OR10J1: variants seen among roughly 807,000 people sequenced by gnomAD.
OR10J1 encodes olfactory receptor 10J1.
For synonymous variants in OR10J1, 202 were observed against 143.8 expected, an observed-to-expected ratio of 1.40 and a Z score of -2.89; for missense variants, 474 against 376.6, an observed-to-expected ratio of 1.26 and a Z score of -2.14.
the OR10J1 span, among the ~76,000 whole-genome samples, chr1:159,416,173 GT>G: frequency 2.6e-5 from 4 of 151,740 alleles, no homozygotes; most frequent in African/African-American, 9.7e-5. Context: ...GAGTATCTTA[GT>G]TTTCTCTTGT....
the OR10J1 span, among the ~76,000 whole-genome samples, chr1:159,415,334 T>C: frequency 2.0e-5 from 3 of 152,052 alleles, no homozygotes; most frequent in African/African-American, 4.8e-5. Flanking sequence ...GGTATCCTTT[T>C]CCCAATGCAT....
chr1:159,430,072 C>T, the OR10J1 span, among the ~76,000 whole-genome samples: 1 of 152,030 alleles, frequency 6.6e-6, no homozygotes, highest in Admixed American at 6.6e-5. Context: ...CATCTCATAA[C>T]CTCATGACCC....
the OR10J1 span, among the ~76,000 whole-genome samples, chr1:159,409,892 G>A: frequency 6.6e-6 from 1 of 152,066 alleles, no homozygotes; most frequent in Non-Finnish European, 1.5e-5. Flanking sequence ...AATTTATTGA[G>A]AGTTTTTAGC....
At chr1:159,427,292 T>G in the OR10J1 span, among the ~76,000 whole-genome samples, 35 of 151,506 alleles carry the variant, frequency 2.3e-4, no homozygotes, top group Non-Finnish European at 4.3e-4. Flanking sequence ...CTAGAGAAGG[T>G]AAAAACAAAT....
At chr1:159,433,430 G>GT (rs150675666), upstream of OR10J1, among the ~76,000 whole-genome samples, 324 of 152,242 alleles carry the variant, frequency 2.1e-3, 3 homozygotes, top group Admixed American at 0.016. Context: ...TGTTACTCTT[G>GT]TCATAAGGTA....
At chr1:159,428,118 GA>G in the OR10J1 span, among the ~76,000 whole-genome samples, 2 of 151,674 alleles carry the variant, frequency 1.3e-5, no homozygotes, top group African/African-American at 4.8e-5. Context: ...TTTAAAGTCC[GA>G]AAAAAAGACA....
chr1:159,427,785 G>T, the OR10J1 span, among the ~76,000 whole-genome samples: 1 of 152,006 alleles, frequency 6.6e-6, no homozygotes, highest in Non-Finnish European at 1.5e-5. Flanking sequence ...AGTTGGAAAA[G>T]ATAATTATCG....
the OR10J1 span, among the ~76,000 whole-genome samples, chr1:159,398,686 G>T: frequency 4.6e-5 from 7 of 152,106 alleles, no homozygotes; most frequent in East Asian, 1.4e-3. Flanking sequence ...TGAGCTTGAA[G>T]AAAAGCTATT....
the OR10J1 span, among the ~76,000 whole-genome samples, chr1:159,412,339 C>G: frequency 6.6e-6 from 1 of 150,390 alleles, no homozygotes; most frequent in Non-Finnish European, 1.5e-5. Flanking sequence ...AAAAACTACT[C>G]TAAAGTTCAT....
the OR10J1 span, among the ~76,000 whole-genome samples, chr1:159,420,463 T>A: frequency 6.6e-6 from 1 of 152,202 alleles, no homozygotes. Flanking sequence ...AACATTTGAA[T>A]ATTTTCTCTT....
chr1:159,397,898 G>A, the OR10J1 span, among the ~76,000 whole-genome samples: 1 of 152,156 alleles, frequency 6.6e-6, no homozygotes, highest in Non-Finnish European at 1.5e-5. Context: ...CCAGGGCCTT[G>A]AGTGAACATA....
the OR10J1 span, among the ~76,000 whole-genome samples, chr1:159,408,618 T>TA: frequency 2.0e-4 from 29 of 146,580 alleles, no homozygotes; most frequent in East Asian, 5.9e-4. Context: ...AGTATAATAA[T>TA]AAAAAAAAAA....
At chr1:159,399,427 C>T in the OR10J1 span, among the ~76,000 whole-genome samples, 9,952 of 151,826 alleles carry the variant, frequency 0.066, 708 homozygotes, top group East Asian at 0.42. Flanking sequence ...AAAAATTAGC[C>T]GGGCATCGTG....
chr1:159,418,267 G>A, the OR10J1 span, among the ~76,000 whole-genome samples: 1 of 152,202 alleles, frequency 6.6e-6, no homozygotes, highest in East Asian at 1.9e-4. Context: ...TCCAGGACAT[G>A]TTAGAGACCT....
chr1:159,440,169 C>T lies in OR10J1; in HGVS notation c.378C>T (p.Ile126=). The change falls in exon 1 of 1, where the codon ATC becomes ATT. Residue 126 remains isoleucine, a synonymous_variant. Transcript: ENST00000423932. Reference sequence around the variant, plus strand: ...TGGGATATGACCGCTATGTGGCCATCTGCAACCCCCTGAGATACATGGTTA... The same window carrying T: ...TGGGATATGACCGCTATGTGGCCATTTGCAACCCCCTGAGATACATGGTTA... The part of the protein sequence containing the change: ...TAMGYDRYVA[I]CNPLRYMVIM... 2 of 1,614,164 alleles carry T rather than the reference C, an allele frequency of 1.2e-6. No individual in the cohort carries two copies. The highest frequency in any genetic ancestry group is 8.5e-7 in the Non-Finnish European group (1 of 1,180,024).
upstream of OR10J1, chr1:159,433,040 G>C (rs1344714134): frequency 6.7e-6 from 3 of 449,064 alleles, no homozygotes; most frequent in Non-Finnish European, 8.0e-6. Flanking sequence ...GACATACACT[G>C]TTATTACTCC....
chr1:159,424,621 AAAATAAGAC>A, the OR10J1 span, among the ~76,000 whole-genome samples: 4 of 151,928 alleles, frequency 2.6e-5, no homozygotes, highest in Admixed American at 2.6e-4. Context: ...AAAACTTTGG[AAAATAAGAC>A]AATTTCTTTC....
the OR10J1 span, among the ~76,000 whole-genome samples, chr1:159,424,581 C>T: frequency 1.3e-5 from 2 of 151,120 alleles, no homozygotes; most frequent in Non-Finnish European, 3.0e-5. Context: ...TGAGTGTGTC[C>T]GTGAAATAAA....
chr1:159,401,254 T>A, the OR10J1 span, among the ~76,000 whole-genome samples: 1 of 151,790 alleles, frequency 6.6e-6, no homozygotes, highest in African/African-American at 2.4e-5. Flanking sequence ...TAATAAAGAT[T>A]AGAGCAGAAA....
Sources: allele counts gnomAD v4.1 joint callset (sites outside exome capture counted in the v4.1 genomes callset), GRCh38; gene constraint gnomAD v4.1.1; transcripts MANE v1.5; gene names NCBI Gene and HGNC (gene_info 2026-07-23, HGNC 2026-07-21).